SKA3: variants seen among roughly 807,000 people sequenced by gnomAD.
SKA3 encodes spindle and kinetochore associated complex subunit 3.
SKA3 carries 39 observed loss-of-function variants against 44.2 expected under a neutral mutation model. That is an observed-to-expected ratio of 0.88 (90% confidence interval 0.68 to 1.15). The LOEUF (loss-of-function observed/expected upper bound fraction) is 1.15, where lower values mean the gene tolerates loss of function less well. SKA3 is among the 50% of genes most tolerant of loss of function. The pLI is 0.00. For synonymous variants in SKA3, 192 were observed against 172.0 expected, an observed-to-expected ratio of 1.12 and a Z score of -0.91; for missense variants, 511 against 485.8, an observed-to-expected ratio of 1.05 and a Z score of -0.49.
At chr13:21,155,620 T>C in intron 8 of SKA3, 73 bp downstream of exon 8, 5 of 966,514 alleles carry the variant, frequency 5.2e-6, no homozygotes, top group Middle Eastern at 2.1e-4. Context: ...TTGGTCAGGA[T>C]GGTCAAATGT....
chr13:21,170,909 T>A (rs200696210), intron 3 of SKA3, among the ~76,000 whole-genome samples: 1 of 150,476 alleles, frequency 6.6e-6, no homozygotes, highest in Non-Finnish European at 1.5e-5. Flanking sequence ...TATGGGTTGT[T>A]TGTATGTATG....
chr13:21,163,908 C>A (rs1456352685), intron 4 of SKA3, among the ~76,000 whole-genome samples: 1 of 152,104 alleles, frequency 6.6e-6, no homozygotes, highest in South Asian at 2.1e-4. Flanking sequence ...GGACTACAGG[C>A]GCCCGTCACC....
Position 21,172,230 on chromosome 13 carries a change from A to G in SKA3, c.331+109T>C, listed in dbSNP as rs1196921096. ...AATATTTATCAAATAAGCGTCAGAT[A>G]ACAACAGAGCTAGAACTAAAAACCA... On this transcript the variant is annotated intron_variant, in intron 3 of 8. Transcript: ENST00000314759. 9 of 599,446 alleles carry G rather than the reference A, an allele frequency of 1.5e-5. No homozygotes were observed. In the East Asian group the frequency reaches 2.9e-4, roughly 19 times the overall value. The allele number at this position is 599,446 out of a possible 1,614,324, so 37.1% of individuals were successfully genotyped here. A position where few individuals can be genotyped will look rare whatever the true frequency, so the allele number is the denominator to read the frequency against.
intron 1 of SKA3, among the ~76,000 whole-genome samples, chr13:21,173,345 C>T (rs1396739761): frequency 6.6e-6 from 1 of 152,182 alleles, no homozygotes; most frequent in African/African-American, 2.4e-5. Flanking sequence ...CAACCTTCAC[C>T]TCCCGGATTC....
chr13:21,174,523 T>G (rs190462846), intron 1 of SKA3, among the ~76,000 whole-genome samples: 2 of 151,990 alleles, frequency 1.3e-5, no homozygotes, highest in African/African-American at 4.8e-5. Flanking sequence ...TAGGTGGGAA[T>G]TGAACAATGA....
chr13:21,169,238 T>A (rs9550712), intron 3 of SKA3, among the ~76,000 whole-genome samples: 1 of 151,950 alleles, frequency 6.6e-6, no homozygotes, highest in Non-Finnish European at 1.5e-5. Context: ...TCCTTTTTTT[T>A]TTTATTTTTA....
intron 3 of SKA3, among the ~76,000 whole-genome samples, chr13:21,169,583 C>T (rs1870924292): frequency 6.6e-6 from 1 of 152,142 alleles, no homozygotes; most frequent in Admixed American, 6.6e-5. Context: ...TTGCAGACAG[C>T]CCCTTCTCTG....
chr13:21,155,161 T>A lies in SKA3; in HGVS notation c.*-11A>T, dbSNP rs1565990317. ...GATCCACTGGAATTTCTGCAACAGATACAAATAACAAATATCAATTTAATA... is the reference window on the plus strand; with the variant it reads ...GATCCACTGGAATTTCTGCAACAGAAACAAATAACAAATATCAATTTAATA... On this transcript the variant is annotated splice_polypyrimidine_tract_variant and intron_variant, in intron 8 of 8. Coordinates refer to ENST00000314759, the MANE Select transcript of SKA3 (RefSeq NM_145061.6). 1.2e-6 allele frequency: 2 copies of A among 1,608,886 alleles called. No individual in the cohort carries two copies. Among genetic ancestry groups the A allele is most frequent in the Non-Finnish European group, 1.7e-6 (2 of 1,176,400 alleles).
Position 21,168,166 on chromosome 13 carries a change from C to A in SKA3, c.565G>T (p.Val189Leu). The change falls in exon 4 of 9, where the codon GTA becomes TTA. Residue 189 changes from valine (V) to leucine (L), a missense_variant. Physicochemically the swap from Val to Leu is conservative, Grantham distance 32. Coordinates refer to ENST00000314759, the MANE Select transcript of SKA3 (RefSeq NM_145061.6). ...AGTGATTGTTTGGTAGGTGGGGTTA[C>A]AATTACGGGCTCTTCCTTATAGTTG... ...VNNYKEEPVI[V>L]TPPTKQSLVK... 4.3e-6 allele frequency: 7 copies of A among 1,614,064 alleles called. No homozygotes were observed. The highest frequency in any genetic ancestry group is 5.9e-6 in the Non-Finnish European group (7 of 1,179,988).
chr13:21,176,515 A>G lies in SKA3; in HGVS notation c.-38T>C. On this transcript the variant is annotated 5_prime_UTR_variant, in exon 1 of 9. Transcript: ENST00000314759. ...GGGGAAGGACTCCAGGCGTACGCAG[A>G]CCCCACCGCTCAGCTCACAGCCTCC... 1 of 1,399,024 alleles carries G rather than the reference A, an allele frequency of 7.1e-7. No individual in the cohort carries two copies. The highest frequency in any genetic ancestry group is 1.5e-5 in the South Asian group (1 of 68,154). The allele number at this position is 1,399,024 out of a possible 1,614,324, so 86.7% of individuals were successfully genotyped here.
intron 4 of SKA3, among the ~76,000 whole-genome samples, chr13:21,163,867 A>G (rs1050143584): frequency 6.6e-6 from 1 of 152,140 alleles, no homozygotes; most frequent in East Asian, 1.9e-4. Context: ...GGGTTCAAAC[A>G]ATTCTTCTCT....
At position 21,168,317 on chromosome 13, in the gene SKA3, C is replaced by T. The variant is rs538040206; in HGVS notation, c.414G>A (p.Leu138=). The change falls in exon 4 of 9, where the codon CTG becomes CTA. Residue 138 remains leucine (L), a synonymous_variant. Coordinates refer to ENST00000314759, the MANE Select transcript of SKA3 (RefSeq NM_145061.6). ...NFQKTDVKDD[L]SDPPVASSCI... Reference sequence around the variant, plus strand: ...AACTGCTTGCAACAGGAGGATCAGACAGATCATCTTTCACATCAGTCTTCT... The same window carrying T: ...AACTGCTTGCAACAGGAGGATCAGATAGATCATCTTTCACATCAGTCTTCT... 1 of 1,614,156 alleles carries T rather than the reference C, an allele frequency of 6.2e-7. No individual in the cohort carries two copies. The highest frequency in any genetic ancestry group is 1.1e-5 in the South Asian group (1 of 91,078).
rs148761614 is a variant in SKA3 at position 21,160,068 on chromosome 13, A to G, written c.830-81T>C. 1.9e-5 allele frequency: 16 copies of G among 835,138 alleles called. No homozygotes were observed. In the East Asian group the frequency reaches 5.3e-4, roughly 28 times the overall value. 51.7% of individuals were successfully genotyped at this position (835,138 alleles called of 1,614,324 possible). A position where few individuals can be genotyped will look rare whatever the true frequency, so the allele number is the denominator to read the frequency against. The stretch of plus-strand genomic sequence containing the variant: ...GACAGGAAGAAAATCTCATATTTAC[A>G]TATGTAATTATCATTAGCACTACTA... On this transcript the variant is annotated intron_variant, in intron 5 of 8. Transcript: ENST00000314759.
In SKA3 at chr13:21,172,475, T is replaced by C. The variant is rs779375121; in HGVS notation, c.195A>G (p.Ala65=). ...CAATGCCTTCTTGATTTTCCAATCT[T>C]GCTTTATCAAGAAGAATATTAACAT... The part of the protein sequence containing the change: ...KDDVNILLDK[A]RLENQEGIDF... The change falls in exon 3 of 9, where the codon GCA becomes GCG. Residue 65 remains alanine (A), a synonymous_variant. Coordinates refer to ENST00000314759, the MANE Select transcript of SKA3 (RefSeq NM_145061.6). 2.8e-5 allele frequency: 45 copies of C among 1,590,024 alleles called. No individual in the cohort carries two copies. The highest frequency in any genetic ancestry group is 4.6e-5 in the South Asian group (4 of 86,564).
At chr13:21,173,053 T>C (rs1395055671) in intron 1 of SKA3, among the ~76,000 whole-genome samples, 1 of 152,196 alleles carries the variant, frequency 6.6e-6, no homozygotes, top group African/African-American at 2.4e-5. Flanking sequence ...GCTCAGAATG[T>C]ATCCCCATTA....
chr13:21,155,669 TC>T (rs1026731611), intron 8 of SKA3, 23 bp downstream of exon 8: 1 of 1,376,752 alleles, frequency 7.3e-7, no homozygotes, highest in Non-Finnish European at 1.0e-6. Flanking sequence ...ACATGAACTT[TC>T]TTTACAAAGG....
Position 21,155,044 on chromosome 13 carries a change from C to T in SKA3, c.*106G>A, listed in dbSNP as rs1346211302. ...CATGTTTGTCTTTAAAATGGGTCAA[C>T]GTTTAAAGGGGGACAGAGGCAGGGC... On this transcript the variant is annotated 3_prime_UTR_variant, in exon 9 of 9. Transcript: ENST00000314759. 11 of 1,557,020 alleles carry T rather than the reference C, an allele frequency of 7.1e-6. No individual in the cohort carries two copies. In the Middle Eastern group the frequency reaches 5.0e-4, roughly 71 times the overall value.
intron 5 of SKA3, 53 bp from the exon 6 acceptor site, chr13:21,160,040 C>A: frequency 8.7e-7 from 1 of 1,154,036 alleles, no homozygotes; most frequent in Non-Finnish European, 1.2e-6. Context: ...GTATGCTTAA[C>A]TGGACAGGAA....
At chr13:21,167,780 A>C (rs569079213) in intron 4 of SKA3, among the ~76,000 whole-genome samples, 111 of 142,030 alleles carry the variant, frequency 7.8e-4, no homozygotes, top group African/African-American at 2.4e-3. Flanking sequence ...AAAAAAAAAC[A>C]AAAAAAAAAA....
Sources: gnomAD v4.1 joint callset for allele counts (sites outside exome capture counted in the v4.1 genomes callset) on GRCh38, gnomAD v4.1.1 for gene constraint, MANE v1.5 for transcripts, NCBI Gene and HGNC (gene_info 2026-07-23, HGNC 2026-07-21) for gene names.